The following TNS3 variants were observed in gnomAD, a reference collection of about 807,000 sequenced individuals.
TNS3 encodes the protein tensin-3.
In TNS3, 45 loss-of-function variants were observed where a neutral mutation model predicts 140.9. That is an observed-to-expected ratio of 0.32 (90% CI 0.25 to 0.41). The LOEUF (loss-of-function observed/expected upper bound fraction) is 0.41. Ranked by LOEUF, TNS3 falls within the 10% of genes least tolerant of loss-of-function variation. The probability of loss-of-function intolerance (pLI) is 1.00; values close to 1 mark genes in which losing one functional copy is unlikely to be tolerated. For missense variants in TNS3, 1,716 were observed against 1,906.7 expected (o/e 0.90, Z 1.86); for synonymous variants, 815 against 788.4 (o/e 1.03, Z -0.56).
At chr7:47,422,770 A>T (rs1271257558) in intron 10 of TNS3, among the ~76,000 whole-genome samples, 1 of 152,152 alleles carries the variant, frequency 6.6e-6, no homozygotes, top group Non-Finnish European at 1.5e-5. Flanking sequence ...AGCATTCTGC[A>T]TGGGTTACTC....
chr7:47,302,438 C>T (rs1402823605), intron 22 of TNS3, among the ~76,000 whole-genome samples, 166 bp from the exon 23 acceptor site: 2 of 152,176 alleles, frequency 1.3e-5, no homozygotes, highest in Non-Finnish European at 2.9e-5. Flanking sequence ...TTGGAGGAGG[C>T]AGTGACTGTT....
At chr7:47,466,002 G>C (rs75315777) in intron 4 of TNS3, among the ~76,000 whole-genome samples, 180 of 151,970 alleles carry the variant, frequency 1.2e-3, no homozygotes, top group African/African-American at 3.9e-3. Context: ...AGAACAAACT[G>C]CCAGAATTGT....
At chr7:47,389,938 TC>T (rs1792415237) in intron 16 of TNS3, among the ~76,000 whole-genome samples, 1 of 152,204 alleles carries the variant, frequency 6.6e-6, no homozygotes, top group Non-Finnish European at 1.5e-5. Flanking sequence ...CAGCTGCTTT[TC>T]ACTGGAGCTA....
intron 23 of TNS3, among the ~76,000 whole-genome samples, chr7:47,300,576 A>C (rs1189136740): frequency 6.6e-6 from 1 of 152,220 alleles, no homozygotes; most frequent in African/African-American, 2.4e-5. Flanking sequence ...ACTCCAACCC[A>C]AATCTGTCTG....
At chr7:47,479,541 A>T (rs1435770554) in intron 4 of TNS3, among the ~76,000 whole-genome samples, 2 of 141,388 alleles carry the variant, frequency 1.4e-5, no homozygotes. Context: ...ACTGGACCAC[A>T]GGCCTGGGGA....
intron 27 of TNS3, among the ~76,000 whole-genome samples, chr7:47,284,782 A>G (rs1228191353): frequency 2.0e-5 from 3 of 152,202 alleles, no homozygotes; most frequent in East Asian, 3.8e-4. Flanking sequence ...AAAGGCCTCT[A>G]AAGTTTCACT....
intron 17 of TNS3, among the ~76,000 whole-genome samples, chr7:47,362,223 A>T (rs1790376583): frequency 6.6e-6 from 1 of 152,126 alleles, no homozygotes; most frequent in Admixed American, 6.6e-5. Flanking sequence ...AATGTCCCCA[A>T]ACCAACTCCC....
At chr7:47,541,651 A>G (rs1237956267) in intron 1 of TNS3, among the ~76,000 whole-genome samples, 1 of 152,190 alleles carries the variant, frequency 6.6e-6, no homozygotes. Context: ...CCCTACTGAT[A>G]GAAGCAAATG....
chr7:47,302,852 A>G, intron 22 of TNS3, 98 bp downstream of exon 22: 1 of 1,467,834 alleles, frequency 6.8e-7, no homozygotes, highest in South Asian at 1.4e-5. Flanking sequence ...TGCCCAGCCC[A>G]GCACTAGAGA....
intron 1 of TNS3, among the ~76,000 whole-genome samples, chr7:47,567,601 G>A (rs1435441539): frequency 6.6e-6 from 1 of 150,992 alleles, no homozygotes; most frequent in Non-Finnish European, 1.5e-5. Flanking sequence ...GACGAATGGA[G>A]TGAAGCTGGG....
chr7:47,570,824 T>C (rs1448460158), intron 1 of TNS3, among the ~76,000 whole-genome samples: 1 of 151,894 alleles, frequency 6.6e-6, no homozygotes, highest in Non-Finnish European at 1.5e-5. Flanking sequence ...TTTTTTTCTT[T>C]CTTTTTTTTT....
At chr7:47,501,079 G>A (rs1019736616) in intron 3 of TNS3, among the ~76,000 whole-genome samples, 1 of 150,406 alleles carries the variant, frequency 6.6e-6, no homozygotes, top group African/African-American at 2.5e-5. Flanking sequence ...AGGGAAGAAA[G>A]ACAAACAGAA....
At chr7:47,468,792 A>C (rs1395203430) in intron 4 of TNS3, among the ~76,000 whole-genome samples, 1 of 152,244 alleles carries the variant, frequency 6.6e-6, no homozygotes, top group African/African-American at 2.4e-5. Flanking sequence ...AAGCAATCCT[A>C]AGCAAAAAGA....
At chr7:47,563,931 C>T (rs948128885) in intron 1 of TNS3, among the ~76,000 whole-genome samples, 3 of 152,244 alleles carry the variant, frequency 2.0e-5, no homozygotes, top group South Asian at 2.1e-4. Flanking sequence ...CGGTGGCTCA[C>T]GCCTGTAATC....
At chr7:47,378,887 G>A (rs773479302) in intron 16 of TNS3, among the ~76,000 whole-genome samples, 4 of 152,188 alleles carry the variant, frequency 2.6e-5, no homozygotes, top group East Asian at 1.9e-4. Context: ...CCATGGCACC[G>A]GCGCTGGACT....
At chr7:47,333,083 G>A (rs1659737947) in intron 20 of TNS3, among the ~76,000 whole-genome samples, 1 of 152,178 alleles carries the variant, frequency 6.6e-6, no homozygotes, top group African/African-American at 2.4e-5. Context: ...CGCGGATGAG[G>A]TGTCAGCACA....
intron 4 of TNS3, among the ~76,000 whole-genome samples, chr7:47,480,834 G>A (rs1277619126): frequency 6.6e-6 from 1 of 152,206 alleles, no homozygotes; most frequent in Non-Finnish European, 1.5e-5. Context: ...TCGGCCCAGG[G>A]AGATTCGCCC....
chr7:47,309,077 G>A (rs1002381868), intron 20 of TNS3, among the ~76,000 whole-genome samples: 6 of 152,156 alleles, frequency 3.9e-5, no homozygotes, highest in South Asian at 2.1e-4. Flanking sequence ...TTGTCTAGGC[G>A]GTAAACTGGG....
intron 1 of TNS3, among the ~76,000 whole-genome samples, chr7:47,566,455 G>A (rs893064358): frequency 2.6e-5 from 4 of 152,166 alleles, no homozygotes; most frequent in African/African-American, 4.8e-5. Context: ...AAGTAAATAC[G>A]ATTTTCTCCC....
Sources: gnomAD v4.1 joint callset for allele counts (sites outside exome capture counted in the v4.1 genomes callset) on GRCh38, gnomAD v4.1.1 for gene constraint, MANE v1.5 for transcripts, NCBI Gene and HGNC (gene_info 2026-07-23, HGNC 2026-07-21) for gene names.